The following PPP4R4 variants were observed in gnomAD, a reference collection of about 807,000 sequenced individuals.
PPP4R4 encodes the protein serine/threonine-protein phosphatase 4 regulatory subunit 4.
A neutral mutation model predicts 121.8 loss-of-function variants in PPP4R4; 70 were observed. That is an observed-to-expected ratio of 0.57 (90% CI 0.47 to 0.70). The LOEUF (loss-of-function observed/expected upper bound fraction) is 0.70. Ranked by LOEUF, PPP4R4 falls within the 30% of genes least tolerant of loss-of-function variation. The pLI is 0.00. For synonymous variants in PPP4R4, 348 were observed against 355.7 expected (o/e 0.98, Z 0.24); for missense variants, 875 against 1,033.6 (o/e 0.85, Z 2.10).
At chr14:94,189,022 A>G (rs532823693) in intron 2 of PPP4R4, among the ~76,000 whole-genome samples, 1 of 152,194 alleles carries the variant, frequency 6.6e-6, no homozygotes, top group Admixed American at 6.5e-5. Flanking sequence ...AAGTATGTCT[A>G]AAACAATTAC....
intron 5 of PPP4R4, among the ~76,000 whole-genome samples, chr14:94,233,014 C>T (rs938894263): frequency 5.9e-5 from 9 of 151,360 alleles, no homozygotes; most frequent in Non-Finnish European, 1.2e-4. Context: ...GCCGAGATCG[C>T]GCCACTGCAC....
chr14:94,249,456 A>G (rs1344336923), intron 14 of PPP4R4, among the ~76,000 whole-genome samples: 2 of 152,086 alleles, frequency 1.3e-5, no homozygotes, highest in African/African-American at 4.8e-5. Context: ...ATCTTTAGTA[A>G]TTCAACATTA....
chr14:94,250,211 T>C lies in PPP4R4; in HGVS notation c.1651T>C (p.Cys551Arg). The C allele has an allele frequency of 6.2e-7, 1 of 1,612,612 alleles. No homozygotes were observed. Among genetic ancestry groups the C allele is most frequent in the Non-Finnish European group, 8.5e-7 (1 of 1,178,950 alleles). The change falls in exon 15 of 25, where the codon TGC becomes CGC. Residue 551 changes from cysteine (C) to arginine (R), a missense_variant. Coordinates refer to ENST00000304338, the MANE Select transcript of PPP4R4 (RefSeq NM_058237.2). Reference protein sequence around the residue: ...PVQKAASRTLCIFLRYNRKQE... With the variant: ...PVQKAASRTLRIFLRYNRKQE... Reference sequence around the variant, plus strand: ...CCAAAAGGCGGCTTCACGAACTCTATGCATTTTTCTGCGTTATAATCGTAA... The same window carrying C: ...CCAAAAGGCGGCTTCACGAACTCTACGCATTTTTCTGCGTTATAATCGTAA...
chr14:94,174,473 C>A lies in PPP4R4; in HGVS notation c.8C>A (p.Pro3Gln). 6.2e-7 allele frequency: 1 copy of A among 1,602,826 alleles called. No individual in the cohort carries two copies. Among genetic ancestry groups the A allele is most frequent in the Non-Finnish European group, 8.5e-7 (1 of 1,175,726 alleles). Residue 3 changes from proline to glutamine, a missense_variant, in exon 1 of 25, where the codon CCG becomes CAG. Coordinates refer to ENST00000304338, the MANE Select transcript of PPP4R4 (RefSeq NM_058237.2). MH[P>Q]PPPAAAMDFS... ...GAGAGTGCCCGGCGGTCCATGCATC[C>A]GCCGCCGCCCGCCGCCGCGATGGAT...
At chr14:94,252,011 G>T (rs728102) in intron 16 of PPP4R4, 115 bp downstream of exon 16, 1 of 884,476 alleles carries the variant, frequency 1.1e-6, no homozygotes, top group Non-Finnish European at 1.7e-6. Context: ...GAATTTACAC[G>T]TGCTTTGAAA....
intron 3 of PPP4R4, among the ~76,000 whole-genome samples, chr14:94,209,817 AATACTGCATGCTGCACACTTTGC>A (rs1459113967): frequency 6.6e-6 from 1 of 152,162 alleles, no homozygotes; most frequent in Non-Finnish European, 1.5e-5. Context: ...TATAGCTAAG[AATACTGCATGCTGCACACTTTGC>A]ATTGAGCAGG....
chr14:94,240,273 G>T (rs1892558269), intron 8 of PPP4R4, among the ~76,000 whole-genome samples: 1 of 152,164 alleles, frequency 6.6e-6, no homozygotes, highest in Non-Finnish European at 1.5e-5. Context: ...TTAAGCTGTA[G>T]CATGGTATGA....
Position 94,245,676 on chromosome 14 carries a change from C to G in PPP4R4, c.1428+6C>G, listed in dbSNP as rs766092985. Reference sequence around the variant, plus strand: ...GCAGTGTTCAAGAAAATAAGGTAAACTTCATCTTTCAGAAACATTCTGAGT... The same window carrying G: ...GCAGTGTTCAAGAAAATAAGGTAAAGTTCATCTTTCAGAAACATTCTGAGT... On this transcript the variant is annotated splice_donor_region_variant and intron_variant, in intron 13 of 24. Coordinates refer to ENST00000304338, the MANE Select transcript of PPP4R4 (RefSeq NM_058237.2). The G allele has an allele frequency of 1.0e-5, 16 of 1,558,716 alleles. No individual in the cohort carries two copies. The South Asian group carries it at 1.8e-4, about 18-fold the overall frequency.
intron 18 of PPP4R4, 25 bp from the exon 19 acceptor site, chr14:94,259,270 C>A (rs767129060): frequency 6.3e-7 from 1 of 1,588,684 alleles, no homozygotes; most frequent in Non-Finnish European, 8.6e-7. Flanking sequence ...TAATGTTTCA[C>A]AATTTCATTT....
chr14:94,195,918 G>GT (rs1404075648), intron 2 of PPP4R4, among the ~76,000 whole-genome samples: 15 of 151,866 alleles, frequency 9.9e-5, no homozygotes, highest in Middle Eastern at 3.2e-3. Flanking sequence ...TTCTTTTTAT[G>GT]TTTTTTCATG....
chr14:94,243,395 C>T (rs899873196), intron 11 of PPP4R4, among the ~76,000 whole-genome samples: 2 of 152,072 alleles, frequency 1.3e-5, no homozygotes, highest in African/African-American at 4.8e-5. Context: ...AGAATATTCA[C>T]CTCCAAGATG....
In PPP4R4 at chr14:94,266,307, C is replaced by T. The variant is rs549401199; in HGVS notation, c.2378+420C>T. Among the ~76,000 whole-genome samples, 3 of 152,200 alleles carry T rather than the reference C, an allele frequency of 2.0e-5. 1 individual carries two copies. The South Asian group carries it at 6.2e-4, about 32-fold the overall frequency. On this transcript the variant is annotated intron_variant, in intron 22 of 24. Coordinates refer to ENST00000304338, the MANE Select transcript of PPP4R4 (RefSeq NM_058237.2). ...GCATGTTCATATGATAAAGTGATCACAGCAGAGTTAGCGTGACAATAGATG... is the reference window on the plus strand; with the variant it reads ...GCATGTTCATATGATAAAGTGATCATAGCAGAGTTAGCGTGACAATAGATG...
Position 94,241,986 on chromosome 14 carries a change from G to A in PPP4R4, c.1146+29G>A, listed in dbSNP as rs1292688290. ...ATAAATATGTATTTATATTTACTGAGGATTTTTATTATAACTTTAAAATAT... is the reference window on the plus strand; with the variant it reads ...ATAAATATGTATTTATATTTACTGAAGATTTTTATTATAACTTTAAAATAT... On this transcript the variant is annotated intron_variant, in intron 10 of 24. Transcript: ENST00000304338. The A allele has an allele frequency of 1.9e-6, 3 of 1,538,894 alleles. No individual in the cohort carries two copies. The South Asian group carries it at 3.6e-5, about 19-fold the overall frequency.
intron 8 of PPP4R4, among the ~76,000 whole-genome samples, 200 bp from the exon 9 acceptor site, chr14:94,240,472 AT>A (rs1892569003): frequency 1.3e-5 from 2 of 152,048 alleles, no homozygotes; most frequent in South Asian, 4.1e-4. Flanking sequence ...TTAACCTGAC[AT>A]TAAAGTTTTT....
At position 94,194,543 on chromosome 14, in the gene PPP4R4, G is replaced by T. The variant is rs115814263; in HGVS notation, c.192-13921G>T. On this transcript the variant is annotated intron_variant, in intron 2 of 24. Coordinates refer to ENST00000304338, the MANE Select transcript of PPP4R4 (RefSeq NM_058237.2). ...GTGTGCTATAAAGCAGCAAGAAAGT[G>T]AAATCCTGTATGCCATTTTTTTGGG... Among the ~76,000 whole-genome samples the T allele has an allele frequency of 5.8e-3, 881 of 152,326 alleles. 10 individuals are homozygous for T. The highest frequency in any genetic ancestry group is 0.02 in the African/African-American group (848 of 41,580).
At chr14:94,186,528 A>G (rs983932589) in intron 2 of PPP4R4, among the ~76,000 whole-genome samples, 3 of 152,204 alleles carry the variant, frequency 2.0e-5, no homozygotes, top group African/African-American at 4.8e-5. Flanking sequence ...GGTAATTTTC[A>G]GTTTTCAGCT....
chr14:94,174,857 C>A (rs928640828), intron 1 of PPP4R4, among the ~76,000 whole-genome samples: 1 of 152,120 alleles, frequency 6.6e-6, no homozygotes, highest in African/African-American at 2.4e-5. Flanking sequence ...GGCGCCAGCC[C>A]CGCGGCCCTT....
At chr14:94,277,282 C>A (rs2139677032) in intron 24 of PPP4R4, among the ~76,000 whole-genome samples, 1 of 152,172 alleles carries the variant, frequency 6.6e-6, no homozygotes, top group East Asian at 1.9e-4. Flanking sequence ...GCCTGGGCAA[C>A]AAGAGTGAAA....
intron 19 of PPP4R4, among the ~76,000 whole-genome samples, chr14:94,260,487 C>T (rs1893727090): frequency 6.6e-6 from 1 of 152,068 alleles, no homozygotes; most frequent in Non-Finnish European, 1.5e-5. Flanking sequence ...TTTACATCTA[C>T]ATTGTCTATG....
Sources: allele counts gnomAD v4.1 joint callset (sites outside exome capture counted in the v4.1 genomes callset), GRCh38; gene constraint gnomAD v4.1.1; transcripts MANE v1.5; gene names NCBI Gene and HGNC (gene_info 2026-07-23, HGNC 2026-07-21).